The following ADAM22 variants were observed in gnomAD, a reference collection of about 807,000 sequenced individuals.
ADAM22 encodes ADAM metallopeptidase domain 22, also known as disintegrin and metalloproteinase domain-containing protein 22.
Under a neutral mutation model 144.6 loss-of-function variants are expected in ADAM22, and 65 were observed. The ratio of observed to expected loss-of-function variants is 0.45; its 90% CI spans 0.37 to 0.55. The LOEUF (loss-of-function observed/expected upper bound fraction) is 0.55. Among genes scored for constraint, ADAM22 ranks in the 20% least tolerant of loss-of-function variants. The pLI, the probability that ADAM22 is intolerant of heterozygous loss-of-function variation, is 0.00. For missense variants in ADAM22, 974 were observed against 1,184.9 expected (o/e 0.82, Z 2.61); for synonymous variants, 391 against 412.6 (o/e 0.95, Z 0.63).
intron 24 of ADAM22, among the ~76,000 whole-genome samples, chr7:88,166,913 A>G (rs567039235): frequency 3.3e-5 from 5 of 152,204 alleles, no homozygotes; most frequent in South Asian, 2.1e-4. Flanking sequence ...AAAAAAAGGA[A>G]GGGGGGGCAG....
At chr7:88,049,111 TTATTTTTCAGAA>T (rs1392979579) in intron 3 of ADAM22, among the ~76,000 whole-genome samples, 1 of 152,196 alleles carries the variant, frequency 6.6e-6, no homozygotes, top group Non-Finnish European at 1.5e-5. Flanking sequence ...GGCTCCATCT[TTATTTTTCAGAA>T]TGGCCTGCTG....
intron 2 of ADAM22, among the ~76,000 whole-genome samples, chr7:87,945,543 T>TCA (rs1377821130): frequency 6.6e-6 from 1 of 150,560 alleles, no homozygotes; most frequent in Non-Finnish European, 1.5e-5. Flanking sequence ...AGATGGAGTC[T>TCA]CACTCTGTCG....
chr7:87,948,406 T>TG (rs1160801049), intron 2 of ADAM22, among the ~76,000 whole-genome samples: 3 of 152,192 alleles, frequency 2.0e-5, no homozygotes, highest in Non-Finnish European at 4.4e-5. Context: ...GTTTCTGTTG[T>TG]GCCCCTTGAA....
intron 25 of ADAM22, among the ~76,000 whole-genome samples, chr7:88,170,284 G>A (rs185356640): frequency 5.1e-4 from 77 of 151,922 alleles, no homozygotes; most frequent in African/African-American, 1.7e-3. Flanking sequence ...GGAATATAGT[G>A]GGAATGTAGA....
intron 24 of ADAM22, among the ~76,000 whole-genome samples, 181 bp downstream of exon 24, chr7:88,166,127 A>T (rs1479602574): frequency 6.6e-6 from 1 of 152,114 alleles, no homozygotes. Flanking sequence ...ATGATATGTA[A>T]TATTACGTAT....
intron 15 of ADAM22, 83 bp downstream of exon 15, chr7:88,143,208 A>G (rs1233156705): frequency 9.1e-6 from 9 of 987,776 alleles, no homozygotes; most frequent in Non-Finnish European, 1.4e-5. Flanking sequence ...CAGCTATTGA[A>G]TCTTAGAGAG....
intron 3 of ADAM22, among the ~76,000 whole-genome samples, chr7:88,050,351 C>T (rs1805927388): frequency 6.6e-6 from 1 of 151,188 alleles, no homozygotes; most frequent in Non-Finnish European, 1.5e-5. Flanking sequence ...CATGATTGTG[C>T]TACTGCACTG....
At chr7:88,019,847 C>G (rs985814665) in intron 3 of ADAM22, among the ~76,000 whole-genome samples, 38 of 146,398 alleles carry the variant, frequency 2.6e-4, no homozygotes, top group Non-Finnish European at 4.5e-4. Flanking sequence ...GTGACTCTAT[C>G]TCAAAAAATA....
At chr7:87,983,719 T>G (rs1415137457) in intron 3 of ADAM22, among the ~76,000 whole-genome samples, 1 of 152,138 alleles carries the variant, frequency 6.6e-6, no homozygotes, top group African/African-American at 2.4e-5. Flanking sequence ...TTTTTTTTTG[T>G]AATAAAAATA....
rs1186178991 is a variant in ADAM22 at position 88,199,242 on chromosome 7, T to C, written c.*2751T>C. 1 of 152,236 alleles carries C rather than the reference T, an allele frequency of 6.6e-6. No individual in the cohort carries two copies. Among genetic ancestry groups the C allele is most frequent in the Non-Finnish European group, 1.5e-5 (1 of 68,042 alleles). The allele number at this position is 152,236 out of a possible 1,614,324, so 9.4% of individuals were successfully genotyped here. Reference sequence around the variant, plus strand: ...TGCAACTAATATTTATATTTCCCAATCCACTACAAAATCATTGCTAAGCAG... The same window carrying C: ...TGCAACTAATATTTATATTTCCCAACCCACTACAAAATCATTGCTAAGCAG... On this transcript the variant is annotated 3_prime_UTR_variant, in exon 32 of 32. Coordinates refer to ENST00000413139, the MANE Select transcript of ADAM22 (RefSeq NM_001324418.2).
At chr7:87,976,083 C>T (rs1019808320) in intron 2 of ADAM22, among the ~76,000 whole-genome samples, 8 of 152,052 alleles carry the variant, frequency 5.3e-5, no homozygotes, top group African/African-American at 1.9e-4. Context: ...TAACAACCTT[C>T]GAATGAATCA....
chr7:88,130,416 A>G lies in ADAM22; in HGVS notation c.782A>G (p.His261Arg). Residue 261 changes from histidine (H) to arginine (R), a missense_variant, in exon 10 of 32, where the codon CAT becomes CGT. Around this residue, in one of 2 missense-constraint regions of ADAM22, gnomAD observed 734 missense variants for 950.6 expected, o/e 0.77. Coordinates refer to ENST00000413139, the MANE Select transcript of ADAM22 (RefSeq NM_001324418.2). ...AAAAAACATCGGCTTTCCGTTGTACATACCAATACCTATGCGAAATCTGTG... is the reference window on the plus strand; with the variant it reads ...AAAAAACATCGGCTTTCCGTTGTACGTACCAATACCTATGCGAAATCTGTG... ...MFKKHRLSVV[H>R]TNTYAKSVVN... The G allele has an allele frequency of 3.7e-6, 6 of 1,613,194 alleles. No homozygotes were observed. Among genetic ancestry groups the G allele is most frequent in the Non-Finnish European group, 5.1e-6 (6 of 1,179,384 alleles).
At chr7:87,939,276 C>T (rs1192860305) in intron 2 of ADAM22, among the ~76,000 whole-genome samples, 1 of 152,088 alleles carries the variant, frequency 6.6e-6, no homozygotes, top group Non-Finnish European at 1.5e-5. Context: ...TACATAGGTA[C>T]ATGGGAATCA....
In ADAM22 at chr7:88,083,051, T is replaced by C. The variant is rs1427470523; in HGVS notation, c.390+7359T>C. Among the ~76,000 whole-genome samples the C allele has an allele frequency of 6.6e-5, 10 of 152,240 alleles. No individual in the cohort carries two copies. In the East Asian group the frequency reaches 1.3e-3, roughly 21 times the overall value. On this transcript the variant is annotated intron_variant, in intron 4 of 31. Coordinates refer to ENST00000413139, the MANE Select transcript of ADAM22 (RefSeq NM_001324418.2). ...GACACATGCACATGTATGTTTATTG[T>C]GGCACTATTCACAATAGCAAAGAGT...
At chr7:87,952,707 A>C (rs1318756562) in intron 2 of ADAM22, among the ~76,000 whole-genome samples, 1 of 152,144 alleles carries the variant, frequency 6.6e-6, no homozygotes, top group Non-Finnish European at 1.5e-5. Context: ...GAATAGTTTC[A>C]GAAGGAATGG....
In ADAM22 at chr7:87,935,032, C is replaced by T; in HGVS notation, c.92C>T (p.Ala31Val). 1 of 1,614,178 alleles carries T rather than the reference C, an allele frequency of 6.2e-7. No individual in the cohort carries two copies. The highest frequency in any genetic ancestry group is 2.2e-5 in the East Asian group (1 of 44,858). ...TCCCGGTTCCTGCCTGGAGGAGACG[C>T]CTCATTGATGGAGCTAGAGAAGAGG... is the stretch of plus-strand genomic sequence containing the variant. The part of the protein sequence containing the change: ...PPARCGQAGD[A>V]SLMELEKRKE... The change falls in exon 2 of 32, where the codon GCC becomes GTC. Residue 31 changes from alanine to valine, a missense_variant. This residue lies in a region of ADAM22 where 240 missense variants were observed against 234.3 expected (regional missense o/e 1.02). Transcript: ENST00000413139.
At chr7:87,947,842 C>T (rs1844088992) in intron 2 of ADAM22, among the ~76,000 whole-genome samples, 2 of 152,088 alleles carry the variant, frequency 1.3e-5, no homozygotes, top group East Asian at 1.9e-4. Flanking sequence ...GGAATGAAGG[C>T]ATGGACCCTC....
At chr7:88,146,971 C>T (rs1198773810) in intron 17 of ADAM22, among the ~76,000 whole-genome samples, 1 of 152,232 alleles carries the variant, frequency 6.6e-6, no homozygotes, top group African/African-American at 2.4e-5. Context: ...GCTTTTTCCA[C>T]TGCCGTAACA....
At chr7:88,087,982 A>T (rs534938213) in intron 4 of ADAM22, among the ~76,000 whole-genome samples, 70 of 152,298 alleles carry the variant, frequency 4.6e-4, no homozygotes, top group Non-Finnish European at 7.9e-4. Context: ...ATGAATAAGT[A>T]AGCAAAGGAG....
Sources: gnomAD v4.1 joint callset for allele counts (sites outside exome capture counted in the v4.1 genomes callset) on GRCh38, gnomAD v4.1.1 for gene constraint, gnomAD v4.1.1 regional missense constraint, MANE v1.5 for transcripts, NCBI Gene and HGNC (gene_info 2026-07-23, HGNC 2026-07-21) for gene names.